Variants in TBL1X observed in about 807,000 individuals in gnomAD.
TBL1X encodes transducin beta like 1 X-linked, also known as F-box-like/WD repeat-containing protein TBL1X.
In TBL1X, 10 loss-of-function variants were observed where a neutral mutation model predicts 50.7. The ratio of observed to expected loss-of-function variants is 0.20; its 90% CI spans 0.12 to 0.33. The LOEUF (loss-of-function observed/expected upper bound fraction) is 0.33. TBL1X is among the 10% of genes least tolerant of loss of function. TBL1X has a pLI of 1.00. For synonymous variants in TBL1X, 190 were observed against 214.7 expected (o/e 0.88, Z 1.01); for missense variants, 340 against 504.4 (o/e 0.67, Z 3.12).
intron 6 of TBL1X, among the ~76,000 whole-genome samples, chrX:9,687,493 G>A (rs1332787263): frequency 1.8e-5 from 2 of 111,049 alleles, no homozygotes; most frequent in African/African-American, 6.6e-5. Context: ...CTTCTCCACC[G>A]CAGCACTCAG....
intron 1 of TBL1X, among the ~76,000 whole-genome samples, chrX:9,491,340 T>TATA (rs1569205608): frequency 4.4e-3 from 114 of 26,041 alleles, no homozygotes; most frequent in South Asian, 5.9e-3. Flanking sequence ...ATATATATAT[T>TATA]TTTTTTTTTT....
At chrX:9,513,692 T>C (rs1230558200) in intron 2 of TBL1X, among the ~76,000 whole-genome samples, 1 of 110,182 alleles carries the variant, frequency 9.1e-6, no homozygotes, top group Non-Finnish European at 1.9e-5. Context: ...GGGGAGGGAG[T>C]GTTACTGGCA....
At chrX:9,574,246 C>T (rs1361807787) in intron 2 of TBL1X, among the ~76,000 whole-genome samples, 2 of 108,835 alleles carry the variant, frequency 1.8e-5, no homozygotes, top group African/African-American at 6.7e-5. Flanking sequence ...CTCAGGAGTC[C>T]GAGACCAGCC....
intron 2 of TBL1X, among the ~76,000 whole-genome samples, chrX:9,606,277 C>T (rs977352167): frequency 8.9e-6 from 1 of 112,142 alleles, no homozygotes; most frequent in African/African-American, 3.2e-5. Flanking sequence ...CTGCCTGTCA[C>T]GTCTCTCTTT....
chrX:9,616,512 A>G (rs1266595384), intron 2 of TBL1X, among the ~76,000 whole-genome samples: 1 of 111,827 alleles, frequency 8.9e-6, no homozygotes, highest in Non-Finnish European at 1.9e-5. Context: ...GCTTTTCCCT[A>G]GGCATGAACT....
chrX:9,709,856 T>G, intron 15 of TBL1X, 96 bp downstream of exon 15: 1 of 1,083,008 alleles, frequency 9.2e-7, no homozygotes. Context: ...TTGAAGCCCT[T>G]CAGAGGAAGC....
intron 2 of TBL1X, among the ~76,000 whole-genome samples, chrX:9,506,476 G>A (rs73631487): frequency 0.041 from 4,585 of 110,979 alleles, 95 homozygotes; most frequent in South Asian, 0.11. Context: ...CGATAGAGAC[G>A]CAAAAAAGCC....
chrX:9,599,984 C>G lies in TBL1X; in HGVS notation c.-130-40289C>G, dbSNP rs185673244. Among the ~76,000 whole-genome samples the G allele has an allele frequency of 1.6e-3, 177 of 111,776 alleles. 1 individual carries two copies. The highest frequency in any genetic ancestry group is 2.3e-3 in the Non-Finnish European group (120 of 53,162). On this transcript the variant is annotated intron_variant, in intron 2 of 17. Coordinates refer to ENST00000645353, the MANE Select transcript of TBL1X (RefSeq NM_005647.4). ...GGAGAGGGCAGGACAGCCAGTGACT[C>G]TCTCCTGTCAGTAGACACACTAAAC...
intron 2 of TBL1X, among the ~76,000 whole-genome samples, chrX:9,588,743 C>T (rs1270468341): frequency 9.1e-6 from 1 of 109,554 alleles, no homozygotes; most frequent in African/African-American, 3.3e-5. Context: ...GCTGGGATTA[C>T]AGGCACACAC....
chrX:9,670,956 TAATAA>T (rs1050018740), intron 5 of TBL1X, among the ~76,000 whole-genome samples: 4 of 112,330 alleles, frequency 3.6e-5, no homozygotes, highest in Non-Finnish European at 7.5e-5. Context: ...TTTCATCAAA[TAATAA>T]AATAAGGAAG....
chrX:9,710,216 C>CAA (rs35056016), intron 15 of TBL1X, among the ~76,000 whole-genome samples: 7 of 55,092 alleles, frequency 1.3e-4, no homozygotes, highest in Non-Finnish European at 1.7e-4. Flanking sequence ...GACCATGTCT[C>CAA]AAAAAAAAAA....
intron 2 of TBL1X, among the ~76,000 whole-genome samples, chrX:9,573,475 G>A (rs762499650): frequency 8.9e-6 from 1 of 112,733 alleles, no homozygotes; most frequent in South Asian, 3.6e-4. Context: ...GCAAATGTAG[G>A]TAAAATATTA....
chrX:9,568,538 A>G (rs1415552032), intron 2 of TBL1X, among the ~76,000 whole-genome samples: 2 of 106,297 alleles, frequency 1.9e-5, no homozygotes, highest in African/African-American at 7.0e-5. Context: ...TGTTGTGTCT[A>G]TCTGTGCAGT....
At chrX:9,700,605 A>T (rs2083163929) in intron 12 of TBL1X, among the ~76,000 whole-genome samples, 1 of 111,681 alleles carries the variant, frequency 9.0e-6, no homozygotes, top group African/African-American at 3.3e-5. Flanking sequence ...GTTCAAAATG[A>T]AGAGAAAGAA....
intron 1 of TBL1X, among the ~76,000 whole-genome samples, chrX:9,477,900 ATT>A (rs1350225254): frequency 9.0e-6 from 1 of 111,554 alleles, no homozygotes; most frequent in Non-Finnish European, 1.9e-5. Context: ...TTTTGTGGAT[ATT>A]TTAGAGTTGT....
intron 1 of TBL1X, among the ~76,000 whole-genome samples, chrX:9,485,841 TA>T (rs1465871762): frequency 1.8e-5 from 2 of 112,351 alleles, no homozygotes; most frequent in Admixed American, 1.9e-4. Context: ...GTGTCTGATC[TA>T]ACAAGCCTTG....
At chrX:9,531,176 C>A (rs1371421455) in intron 2 of TBL1X, 1 of 110,693 alleles carries the variant, frequency 9.0e-6, no homozygotes, top group Non-Finnish European at 1.9e-5. Flanking sequence ...TCCCTGCATT[C>A]CCTAACACGA....
At chrX:9,568,397 G>A (rs1035028784) in intron 2 of TBL1X, among the ~76,000 whole-genome samples, 1 of 109,669 alleles carries the variant, frequency 9.1e-6, no homozygotes, top group African/African-American at 3.3e-5. Context: ...ATATGTCTCT[G>A]GTGGGCTGTG....
chrX:9,465,772 C>T (rs1216233473), intron 1 of TBL1X, among the ~76,000 whole-genome samples: 1 of 112,964 alleles, frequency 8.9e-6, no homozygotes, highest in Non-Finnish European at 1.9e-5. Context: ...GGGAAGCGCT[C>T]GGCTTTTCCT....
Sources: allele counts gnomAD v4.1 joint callset (sites outside exome capture counted in the v4.1 genomes callset), GRCh38; gene constraint gnomAD v4.1.1; transcripts MANE v1.5; gene names NCBI Gene and HGNC (gene_info 2026-07-23, HGNC 2026-07-21).